Variants in CALN1 observed in about 807,000 individuals in gnomAD.
The protein encoded by CALN1 is calcium-binding protein 8.
In CALN1, 17 loss-of-function variants were observed where a neutral mutation model predicts 30.6. That is an observed-to-expected ratio of 0.56 (90% CI 0.38 to 0.83). CALN1 has a LOEUF of 0.83. Ranked by LOEUF, CALN1 falls within the 40% of genes least tolerant of loss-of-function variation. The pLI is 0.00. For missense variants in CALN1, 291 were observed against 354.9 expected, an observed-to-expected ratio of 0.82 and a Z score of 1.45; for synonymous variants, 156 against 131.4, an observed-to-expected ratio of 1.19 and a Z score of -1.28.
At chr7:72,305,804 G>A (rs1408003452) in intron 2 of CALN1, among the ~76,000 whole-genome samples, 18 of 152,146 alleles carry the variant, frequency 1.2e-4, no homozygotes, top group Admixed American at 1.2e-3. Context: ...AAGATCAAGA[G>A]GTCAACATGG....
chr7:71,879,740 A>G (rs1242922838), intron 5 of CALN1, among the ~76,000 whole-genome samples: 1 of 152,164 alleles, frequency 6.6e-6, no homozygotes, highest in South Asian at 2.1e-4. Context: ...ACCTGCAAAG[A>G]AGGACCAAAA....
At chr7:71,883,131 A>G (rs1262124424) in intron 5 of CALN1, among the ~76,000 whole-genome samples, 5 of 152,070 alleles carry the variant, frequency 3.3e-5, no homozygotes, top group Non-Finnish European at 7.4e-5. Flanking sequence ...CTATAGCTCT[A>G]TATCTATATA....
In CALN1 at chr7:72,435,589, C is replaced by G. The variant is rs72608506; in HGVS notation, c.-226+11453G>C. 0.025 allele frequency among the ~76,000 whole-genome samples: 3,838 copies of G among 152,244 alleles called. 263 individuals are homozygous for G. In the East Asian group the frequency reaches 0.26, roughly 10 times the overall value. ...AGCACAGAAGCGAGGCAGCAGCCAG[C>G]GCGGAGAGGCCAGCAGCGCTCTGTG... On this transcript the variant is annotated intron_variant, in intron 1 of 6. Transcript: ENST00000395276.
At chr7:72,143,589 G>C (rs1170324061) in intron 3 of CALN1, among the ~76,000 whole-genome samples, 2 of 152,138 alleles carry the variant, frequency 1.3e-5, no homozygotes, top group Non-Finnish European at 1.5e-5. Context: ...AATCTAGCAA[G>C]GCAGGCCAAC....
intron 5 of CALN1, among the ~76,000 whole-genome samples, chr7:71,918,395 A>G (rs529603720): frequency 1.6e-4 from 24 of 152,316 alleles, no homozygotes; most frequent in Admixed American, 1.4e-3. Context: ...AATTCAGCAA[A>G]AATGCTAACA....
upstream of CALN1, among the ~76,000 whole-genome samples, chr7:72,413,342 CAT>C: frequency 6.6e-6 from 1 of 151,804 alleles, no homozygotes; most frequent in East Asian, 1.9e-4. Context: ...CACATCCACA[CAT>C]ACATTTACAT....
At chr7:72,194,396 G>T (rs1362547693) in intron 3 of CALN1, among the ~76,000 whole-genome samples, 1 of 151,936 alleles carries the variant, frequency 6.6e-6, no homozygotes, top group African/African-American at 2.4e-5. Flanking sequence ...CAGGTGTGGT[G>T]GTACATGCGT....
intron 5 of CALN1, among the ~76,000 whole-genome samples, chr7:71,873,583 G>A (rs762502289): frequency 5.3e-5 from 8 of 151,772 alleles, no homozygotes; most frequent in Admixed American, 2.0e-4. Context: ...ATCTGCTTTC[G>A]ACTCAAAGTT....
chr7:72,380,714 T>G lies in CALN1; in HGVS notation c.119+22537A>C, dbSNP rs1009438034. 2.7e-5 allele frequency among the ~76,000 whole-genome samples: 4 copies of G among 148,646 alleles called. No individual in the cohort carries two copies. The East Asian group carries it at 7.8e-4, about 29-fold the overall frequency. On this transcript the variant is annotated intron_variant, in intron 2 of 6. Coordinates refer to ENST00000395275, the MANE Select transcript of CALN1 (RefSeq NM_031468.4). ...GGATACATACATTAGATTAGATAGA[T>G]AGATAGATACATAGATACATAGATA...
intron 5 of CALN1, among the ~76,000 whole-genome samples, chr7:71,911,461 G>A (rs1794420618): frequency 6.6e-6 from 1 of 152,058 alleles, no homozygotes; most frequent in African/African-American, 2.4e-5. Context: ...GAGACCAGTT[G>A]GGGTCCTTTA....
chr7:72,486,001 G>A, the CALN1 span, among the ~76,000 whole-genome samples: 1 of 152,018 alleles, frequency 6.6e-6, no homozygotes, highest in East Asian at 1.9e-4. Context: ...CCATTGTTAG[G>A]CTATTTCATC....
intron 1 of CALN1, among the ~76,000 whole-genome samples, chr7:72,406,782 A>G (rs562987443): frequency 2.2e-4 from 33 of 151,734 alleles, no homozygotes; most frequent in African/African-American, 7.5e-4. Flanking sequence ...AGGCCTGGCT[A>G]ATTTTTGTAT....
At chr7:72,297,542 G>A (rs1041737651) in intron 2 of CALN1, among the ~76,000 whole-genome samples, 4 of 152,168 alleles carry the variant, frequency 2.6e-5, no homozygotes, top group African/African-American at 9.6e-5. Context: ...TAAAGAAAGT[G>A]GATTTTTTTA....
At chr7:72,438,143 C>T (rs190696226) in intron 1 of CALN1, among the ~76,000 whole-genome samples, 48 of 151,782 alleles carry the variant, frequency 3.2e-4, no homozygotes, top group African/African-American at 1.0e-3. Flanking sequence ...CCAGCTAATT[C>T]GTTTTTCTTT....
At chr7:72,495,953 C>G in the CALN1 span, among the ~76,000 whole-genome samples, 2 of 152,110 alleles carry the variant, frequency 1.3e-5, no homozygotes, top group Non-Finnish European at 2.9e-5. Context: ...TGTTTTGATG[C>G]TCTGTTGCCC....
intron 3 of CALN1, among the ~76,000 whole-genome samples, chr7:72,136,947 CGATGTAA>C (rs1809553162): frequency 6.6e-6 from 1 of 151,762 alleles, no homozygotes; most frequent in Admixed American, 6.6e-5. Context: ...TCACTGATCA[CGATGTAA>C]GAATTAAAGA....
At chr7:72,169,656 G>A (rs896844130) in intron 3 of CALN1, among the ~76,000 whole-genome samples, 19 of 151,268 alleles carry the variant, frequency 1.3e-4, no homozygotes, top group Middle Eastern at 3.4e-3. Context: ...TCCCTCTAAG[G>A]CTTTAATTTT....
intron 4 of CALN1, among the ~76,000 whole-genome samples, chr7:72,060,594 G>A (rs1349824558): frequency 6.6e-6 from 1 of 152,130 alleles, no homozygotes; most frequent in Admixed American, 6.6e-5. Flanking sequence ...TTGGATATTT[G>A]TCCCCTTCAA....
chr7:71,919,896 G>T (rs1794852496), intron 5 of CALN1, among the ~76,000 whole-genome samples: 1 of 152,184 alleles, frequency 6.6e-6, no homozygotes, highest in South Asian at 2.1e-4. Context: ...ATTATCTAAT[G>T]ACAGTATTTC....
Sources: allele counts gnomAD v4.1 joint callset (sites outside exome capture counted in the v4.1 genomes callset), GRCh38; gene constraint gnomAD v4.1.1; transcripts MANE v1.5; gene names NCBI Gene and HGNC (gene_info 2026-07-23, HGNC 2026-07-21).